The following NAB1 variants were observed in gnomAD, a reference collection of about 807,000 sequenced individuals.
The protein encoded by NAB1 is NGFI-A-binding protein 1.
NAB1 carries 25 observed loss-of-function variants against 49.9 expected under a neutral mutation model. That is an observed-to-expected ratio of 0.50 (90% confidence interval 0.37 to 0.70). NAB1 has a LOEUF of 0.70. NAB1 is among the 30% of genes least tolerant of loss of function. The pLI, the probability that NAB1 is intolerant of heterozygous loss-of-function variation, is 0.00. For missense variants in NAB1, 489 were observed against 575.9 expected (o/e 0.85, Z 1.54); for synonymous variants, 198 against 215.6 (o/e 0.92, Z 0.71).
chr2:190,662,102 C>A (rs1486399060), intron 4 of NAB1, among the ~76,000 whole-genome samples: 1 of 152,174 alleles, frequency 6.6e-6, no homozygotes, highest in Non-Finnish European at 1.5e-5. Context: ...ATGACTTACT[C>A]TTAATTCATT....
In NAB1 at chr2:190,683,776, C is replaced by T. The variant is rs767245993; in HGVS notation, c.1044C>T (p.Leu348=). Residue 348 remains leucine, a synonymous_variant, in exon 7 of 10, where the codon CTC becomes CTT. Coordinates refer to ENST00000337386, the MANE Select transcript of NAB1 (RefSeq NM_005966.4). ...ATTTCCAGGATTCTGTGCAAACACT[C>T]TTCCAGCAGGCTAGAGCTAAGAGTG... ...FPDFQDSVQT[L]FQQARAKSEE... is the part of the protein sequence containing the mutation. The T allele has an allele frequency of 1.9e-6, 3 of 1,613,856 alleles. No homozygotes were observed. The highest frequency in any genetic ancestry group is 2.2e-5 in the South Asian group (2 of 90,962).
At chr2:190,668,919 A>C (rs1348678486) in intron 4 of NAB1, among the ~76,000 whole-genome samples, 1 of 152,226 alleles carries the variant, frequency 6.6e-6, no homozygotes, top group Non-Finnish European at 1.5e-5. Context: ...TAAATTAGGC[A>C]CAGCAAGAGA....
At chr2:190,671,863 C>T (rs1380909282) in intron 5 of NAB1, among the ~76,000 whole-genome samples, 2 of 150,746 alleles carry the variant, frequency 1.3e-5, no homozygotes, top group African/African-American at 4.9e-5. Context: ...GCAACCTCCA[C>T]CTCCTGGGTT....
intron 5 of NAB1, among the ~76,000 whole-genome samples, chr2:190,671,514 CAA>C (rs1489862084): frequency 2.6e-5 from 4 of 151,844 alleles, no homozygotes; most frequent in Non-Finnish European, 4.4e-5. Flanking sequence ...GTTGGATAAT[CAA>C]GAGCTGATTC....
In NAB1 at chr2:190,691,669, A is replaced by G. The variant is rs1479173039; in HGVS notation, c.*1336A>G. ...TATACGTTTTTTCTGTTGGTTTAAG[A>G]GAAGATAACTGACAGCTTTACCTAC... On this transcript the variant is annotated 3_prime_UTR_variant, in exon 10 of 10. Transcript: ENST00000337386. The surrounding 1 kb of genome is among the most constrained non-coding windows in gnomAD (Gnocchi z 4.1). The G allele has an allele frequency of 6.6e-6, 1 of 152,174 alleles. No individual in the cohort carries two copies. Among genetic ancestry groups the G allele is most frequent in the Non-Finnish European group, 1.5e-5 (1 of 67,992 alleles). The allele number at this position is 152,174 out of a possible 1,614,324, so 9.4% of individuals were successfully genotyped here.
chr2:190,685,288 G>T lies in NAB1; in HGVS notation c.1096-188G>T, dbSNP rs1695550510. ...GCTTTTATCTTTTGTACAATATCCA[G>T]CCTTTTATGTTTTAACATGATGATA... is the stretch of plus-strand genomic sequence containing the variant. On this transcript the variant is annotated intron_variant, in intron 7 of 9. Transcript: ENST00000337386. The surrounding 1 kb of genome is among the most constrained non-coding windows in gnomAD (Gnocchi z 4.5). 6.6e-6 allele frequency among the ~76,000 whole-genome samples: 1 copy of T among 152,146 alleles called. No individual in the cohort carries two copies. Among genetic ancestry groups the T allele is most frequent in the Non-Finnish European group, 1.5e-5 (1 of 68,030 alleles).
chr2:190,663,966 A>G lies in NAB1; in HGVS notation c.819+3971A>G, dbSNP rs1166306669. On this transcript the variant is annotated intron_variant, in intron 4 of 9. Coordinates refer to ENST00000337386, the MANE Select transcript of NAB1 (RefSeq NM_005966.4). This position sits in a 1 kb window ranked among gnomAD's most constrained non-coding sequence, Gnocchi z 4.2. ...TTAATTACATTGAGGGCAAGAGAACATGGTTTGTGTGATGCCAACCCTTTA... is the reference window on the plus strand; with the variant it reads ...TTAATTACATTGAGGGCAAGAGAACGTGGTTTGTGTGATGCCAACCCTTTA... Among the ~76,000 whole-genome samples the G allele has an allele frequency of 6.6e-6, 1 of 152,132 alleles. No individual in the cohort carries two copies. Among genetic ancestry groups the G allele is most frequent in the Non-Finnish European group, 1.5e-5 (1 of 68,018 alleles).
intron 9 of NAB1, 61 bp from the exon 10 acceptor site, chr2:190,690,184 G>C (rs1695885742): frequency 1.7e-6 from 2 of 1,176,070 alleles, no homozygotes; most frequent in East Asian, 2.3e-5. Flanking sequence ...TTAAAACTTT[G>C]TTTGATTTTT....
Position 190,677,190 on chromosome 2 carries a change from CTTAT to C in NAB1, c.1005+4041_1005+4044del. 1 of 151,964 alleles carries C rather than the reference CTTAT, an allele frequency of 6.6e-6. No individual in the cohort carries two copies. Among genetic ancestry groups the C allele is most frequent in the South Asian group, 2.1e-4 (1 of 4,826 alleles). The allele number at this position is 151,964 out of a possible 1,614,324, so 9.4% of individuals were successfully genotyped here. A position where few individuals can be genotyped will look rare whatever the true frequency, so the allele number is the denominator to read the frequency against. ...GTTGTTCCCCCTTAAAGGATAGTTA[CTTAT>C]TTGATTTAAAAAAAAAATAGCAGTA... is the stretch of plus-strand genomic sequence containing the variant. On this transcript the variant is annotated intron_variant, in intron 6 of 9. Transcript: ENST00000337386. The surrounding 1 kb of genome is among the most constrained non-coding windows in gnomAD (Gnocchi z 5.6).
chr2:190,664,712 G>A (rs929509073), intron 4 of NAB1, among the ~76,000 whole-genome samples: 4 of 145,400 alleles, frequency 2.8e-5, no homozygotes, highest in South Asian at 2.2e-4. Flanking sequence ...GATTACAGAC[G>A]TGAGCCACCA....
At chr2:190,688,868 C>T (rs1474405922) in intron 9 of NAB1, among the ~76,000 whole-genome samples, 1 of 145,110 alleles carries the variant, frequency 6.9e-6, no homozygotes, top group Non-Finnish European at 1.5e-5. Flanking sequence ...GAGATGGAGT[C>T]TCGCTTTCTC....
chr2:190,671,388 C>A (rs1285041063), intron 5 of NAB1, among the ~76,000 whole-genome samples: 1 of 152,116 alleles, frequency 6.6e-6, no homozygotes, highest in Non-Finnish European at 1.5e-5. Flanking sequence ...CATTTTCTGC[C>A]CTACGTCAGT....
In NAB1 at chr2:190,689,987, A is replaced by G. The variant is rs1334427490; in HGVS notation, c.1376-258A>G. On this transcript the variant is annotated intron_variant, in intron 9 of 9. Coordinates refer to ENST00000337386, the MANE Select transcript of NAB1 (RefSeq NM_005966.4). This position sits in a 1 kb window ranked among gnomAD's most constrained non-coding sequence, Gnocchi z 4.3. The stretch of plus-strand genomic sequence containing the variant: ...AAGACATTAAGGCTTAGAGAGGTGT[A>G]TAACTTGCCCAGAGATGTATACATC... 1.3e-4 allele frequency among the ~76,000 whole-genome samples: 1 copy of G among 7,816 alleles called. No homozygotes were observed. Among genetic ancestry groups the G allele is most frequent in the African/African-American group, 3.8e-4 (1 of 2,648 alleles). 5.1% of individuals were successfully genotyped at this position (7,816 alleles called of 152,430 possible).
chr2:190,667,208 T>C lies in NAB1; in HGVS notation c.820-3118T>C, dbSNP rs776473714. ...AATGCATTATGTTTATTTTTCTTGG[T>C]TTCTGGAAAGGTAAGAGAAGGAATA... is the stretch of plus-strand genomic sequence containing the variant. On this transcript the variant is annotated intron_variant, in intron 4 of 9. Coordinates refer to ENST00000337386, the MANE Select transcript of NAB1 (RefSeq NM_005966.4). This position sits in a 1 kb window ranked among gnomAD's most constrained non-coding sequence, Gnocchi z 4.4. Among the ~76,000 whole-genome samples, 8 of 152,326 alleles carry C rather than the reference T, an allele frequency of 5.3e-5. No individual in the cohort carries two copies. Among genetic ancestry groups the C allele is most frequent in the Middle Eastern group, 3.4e-3 (1 of 294 alleles).
At position 190,659,169 on chromosome 2, in the gene NAB1, C is replaced by T; in HGVS notation, c.-8C>T. ...TTTTTTTTTGGCAGGTTAAACCCAT[C>T]CAGAGTAATGGCTGCGGCCTTACCC... On this transcript the variant is annotated 5_prime_UTR_variant, in exon 4 of 10. Coordinates refer to ENST00000337386, the MANE Select transcript of NAB1 (RefSeq NM_005966.4). The surrounding 1 kb of genome is among the most constrained non-coding windows in gnomAD (Gnocchi z 6.2). 1.3e-6 allele frequency: 2 copies of T among 1,585,074 alleles called. No homozygotes were observed. The highest frequency in any genetic ancestry group is 1.7e-6 in the Non-Finnish European group (2 of 1,160,504).
chr2:190,653,470 G>A (rs149423545), intron 2 of NAB1, among the ~76,000 whole-genome samples: 6 of 152,198 alleles, frequency 3.9e-5, no homozygotes, highest in Admixed American at 1.3e-4. Context: ...ATTGCAGGCT[G>A]TGTTGGGGGA....
At position 190,654,696 on chromosome 2, in the gene NAB1, G is replaced by A. The variant is rs1432674449; in HGVS notation, c.-196-1281G>A. Among the ~76,000 whole-genome samples the A allele has an allele frequency of 1.3e-5, 2 of 152,160 alleles. No homozygotes were observed. The highest frequency in any genetic ancestry group is 2.1e-4 in the South Asian group (1 of 4,826). ...TTCGCAAATCTGTAAACTTGGCATTGCAGTGTGGGATCTATTGAAGGTGAA... is the reference window on the plus strand; with the variant it reads ...TTCGCAAATCTGTAAACTTGGCATTACAGTGTGGGATCTATTGAAGGTGAA... On this transcript the variant is annotated intron_variant, in intron 2 of 9. Coordinates refer to ENST00000337386, the MANE Select transcript of NAB1 (RefSeq NM_005966.4). This position sits in a 1 kb window ranked among gnomAD's most constrained non-coding sequence, Gnocchi z 5.6.
rs1286032029 is a variant in NAB1, at chr2:190,680,345, A to C, written c.1006-3393A>C. Among the ~76,000 whole-genome samples the C allele has an allele frequency of 6.6e-6, 1 of 152,130 alleles. No individual in the cohort carries two copies. The highest frequency in any genetic ancestry group is 2.4e-5 in the African/African-American group (1 of 41,418). Reference sequence around the variant, plus strand: ...CACCACTCCCTCTTTTTCAGTGTATATTGAATATTTTCCGGCTTCCCAGAG... The same window carrying C: ...CACCACTCCCTCTTTTTCAGTGTATCTTGAATATTTTCCGGCTTCCCAGAG... On this transcript the variant is annotated intron_variant, in intron 6 of 9. Transcript: ENST00000337386. The surrounding 1 kb of genome is among the most constrained non-coding windows in gnomAD (Gnocchi z 5.2).
intron 6 of NAB1, among the ~76,000 whole-genome samples, chr2:190,681,839 A>C (rs1011710538): frequency 2.0e-5 from 3 of 152,212 alleles, no homozygotes; most frequent in Non-Finnish European, 4.4e-5. Flanking sequence ...ATCCCAAATA[A>C]GGTAAAATAT....
Sources: gnomAD v4.1 joint callset for allele counts (sites outside exome capture counted in the v4.1 genomes callset) on GRCh38, gnomAD v4.1.1 for gene constraint, Gnocchi (gnomAD v3.1) non-coding constraint, MANE v1.5 for transcripts, NCBI Gene and HGNC (gene_info 2026-07-23, HGNC 2026-07-21) for gene names.